The following KIFC3 variants were observed in gnomAD, a reference collection of about 807,000 sequenced individuals.
The protein encoded by KIFC3 is kinesin-like protein KIFC3.
KIFC3 carries 60 observed loss-of-function variants against 101.8 expected under a neutral mutation model. That is an observed-to-expected ratio of 0.59 (90% confidence interval 0.48 to 0.73). The LOEUF is 0.73. KIFC3 is among the 30% of genes least tolerant of loss of function. The pLI is 0.00. For synonymous variants in KIFC3, 476 were observed against 482.7 expected, an observed-to-expected ratio of 0.99 and a Z score of 0.18; for missense variants, 966 against 1,137.1, an observed-to-expected ratio of 0.85 and a Z score of 2.16.
At chr16:57,830,798 T>C (rs1555479187) in intron 1 of KIFC3, among the ~76,000 whole-genome samples, 3 of 152,138 alleles carry the variant, frequency 2.0e-5, no homozygotes, top group African/African-American at 7.2e-5. Flanking sequence ...AGAAACAAAA[T>C]CATTGATGCC....
intron 3 of KIFC3, among the ~76,000 whole-genome samples, chr16:57,773,531 A>G (rs2148995114): frequency 6.6e-6 from 1 of 152,350 alleles, no homozygotes; most frequent in East Asian, 1.9e-4. Context: ...GTGCACGCTT[A>G]TAATCCCAGC....
intron 1 of KIFC3, among the ~76,000 whole-genome samples, chr16:57,847,908 C>T (rs2055968451): frequency 6.6e-6 from 1 of 151,762 alleles, no homozygotes; most frequent in Non-Finnish European, 1.5e-5. Context: ...GCCTCAGCCT[C>T]CCAAGTAGCT....
intron 1 of KIFC3, among the ~76,000 whole-genome samples, chr16:57,861,247 G>C (rs1281386605): frequency 6.6e-6 from 1 of 152,022 alleles, no homozygotes; most frequent in Admixed American, 6.6e-5. Flanking sequence ...TAAGTTCTGG[G>C]TCTTTATTTG....
chr16:57,799,365 C>A (rs1286634145), intron 1 of KIFC3, among the ~76,000 whole-genome samples: 1 of 152,134 alleles, frequency 6.6e-6, no homozygotes, highest in Admixed American at 6.6e-5. Context: ...AACTGAAGGA[C>A]TTCCTAGTGG....
At chr16:57,768,551 A>G (rs1240479350) in intron 9 of KIFC3, among the ~76,000 whole-genome samples, 1 of 133,152 alleles carries the variant, frequency 7.5e-6, no homozygotes. Context: ...AATTGGCTTA[A>G]GCATGCTCAG....
At chr16:57,805,673 CTTTTT>C (rs5817120), upstream of KIFC3, among the ~76,000 whole-genome samples, 3 of 98,004 alleles carry the variant, frequency 3.1e-5, no homozygotes, top group Non-Finnish European at 4.4e-5. Flanking sequence ...TGCCCATAGA[CTTTTT>C]TTTTTTTTTT....
At position 57,766,886 on chromosome 16, in the gene KIFC3, C is replaced by G; in HGVS notation, c.1318G>C (p.Val440Leu). The G allele has an allele frequency of 2.5e-6, 4 of 1,609,400 alleles. No homozygotes were observed. The highest frequency in any genetic ancestry group is 2.2e-5 in the South Asian group (2 of 91,050). The stretch of plus-strand genomic sequence containing the variant: ...CTCCTGCAGTCACCTTTCAGCCGCA[C>G]GAGCTCATTGTGGCACTTCTTACGC... ...QLRKKCHNEL[V>L]RLKGNIRVIA... is the part of the protein sequence containing the mutation. The change falls in exon 10 of 20, where the codon GTG (valine) becomes CTG (leucine). Residue 440 changes from valine (V) to leucine (L), a missense_variant. Coordinates refer to ENST00000445690, the MANE Select transcript of KIFC3 (RefSeq NM_001130100.2).
At chr16:57,847,054 G>A (rs1192394327) in intron 1 of KIFC3, among the ~76,000 whole-genome samples, 1 of 151,604 alleles carries the variant, frequency 6.6e-6, no homozygotes, top group Non-Finnish European at 1.5e-5. Context: ...GTGTGCTGGC[G>A]AACACCTGTA....
At chr16:57,764,823 CCATGGGGGTGGG>C (rs2050275945) in intron 11 of KIFC3, among the ~76,000 whole-genome samples, 1 of 150,470 alleles carries the variant, frequency 6.6e-6, no homozygotes, top group African/African-American at 2.5e-5. Flanking sequence ...ATGTGGGTGG[CCATGGGGGTGGG>C]AGGGGCTGTG....
At chr16:57,821,719 C>G (rs2034394690) in intron 1 of KIFC3, among the ~76,000 whole-genome samples, 1 of 152,114 alleles carries the variant, frequency 6.6e-6, no homozygotes, top group African/African-American at 2.4e-5. Flanking sequence ...CATGACAACA[C>G]TTCGCTGACC....
At chr16:57,827,358 C>G (rs1407792514) in intron 1 of KIFC3, among the ~76,000 whole-genome samples, 11 of 152,362 alleles carry the variant, frequency 7.2e-5, no homozygotes, top group African/African-American at 2.6e-4. Flanking sequence ...GTGGTGAGGG[C>G]TGAGGCCAGA....
chr16:57,777,087 T>C (rs1220732189), intron 3 of KIFC3: 1 of 152,092 alleles, frequency 6.6e-6, no homozygotes, highest in Non-Finnish European at 1.5e-5. Flanking sequence ...ATTAAGAAAA[T>C]AATTCCATTT....
chr16:57,803,885 A>G (rs2054866838), upstream of KIFC3, among the ~76,000 whole-genome samples: 1 of 152,208 alleles, frequency 6.6e-6, no homozygotes, highest in Non-Finnish European at 1.5e-5. Flanking sequence ...CCCTCCAAAC[A>G]GCAGTGATCC....
intron 1 of KIFC3, among the ~76,000 whole-genome samples, chr16:57,861,458 T>C (rs937029742): frequency 1.8e-4 from 28 of 152,184 alleles, no homozygotes; most frequent in Non-Finnish European, 3.7e-4. Context: ...TGCACAACCT[T>C]AGATAATTAA....
chr16:57,783,556 T>C (rs2052993517), intron 3 of KIFC3, among the ~76,000 whole-genome samples: 1 of 147,898 alleles, frequency 6.8e-6, no homozygotes, highest in African/African-American at 2.5e-5. Context: ...CACTGCAACC[T>C]TTCCCTCCCG....
chr16:57,862,092 A>G (rs1377837649), intron 1 of KIFC3, among the ~76,000 whole-genome samples: 2 of 151,896 alleles, frequency 1.3e-5, no homozygotes, highest in East Asian at 3.8e-4. Context: ...AGCTGGGCTT[A>G]CCTGCTACTC....
At chr16:57,828,013 G>A (rs889082249) in intron 1 of KIFC3, among the ~76,000 whole-genome samples, 1 of 152,254 alleles carries the variant, frequency 6.6e-6, no homozygotes, top group South Asian at 2.1e-4. Context: ...GGCACAGAAA[G>A]GTGAAGTGCT....
intron 3 of KIFC3, chr16:57,788,648 C>T (rs2053575780): frequency 7.8e-7 from 1 of 1,289,536 alleles, no homozygotes; most frequent in African/African-American, 1.5e-5. Context: ...GCGCCTGTCT[C>T]TTCCAAAGCT....
chr16:57,811,509 G>A (rs2055073569), intron 1 of KIFC3, among the ~76,000 whole-genome samples: 1 of 152,118 alleles, frequency 6.6e-6, no homozygotes, highest in African/African-American at 2.4e-5. Flanking sequence ...GATCACTTGA[G>A]GCCAGGAGTT....
Sources: allele counts gnomAD v4.1 joint callset (sites outside exome capture counted in the v4.1 genomes callset), GRCh38; gene constraint gnomAD v4.1.1; transcripts MANE v1.5; gene names NCBI Gene and HGNC (gene_info 2026-07-23, HGNC 2026-07-21).